The following TDRD5 variants were observed in gnomAD, a reference collection of about 807,000 sequenced individuals.
TDRD5 encodes the protein tudor domain-containing protein 5.
Under a neutral mutation model 120.6 loss-of-function variants are expected in TDRD5, and 41 were observed. That is an observed-to-expected ratio of 0.34 (90% confidence interval 0.26 to 0.44). TDRD5 has a LOEUF of 0.44. Ranked by LOEUF, TDRD5 falls within the 20% of genes least tolerant of loss-of-function variation. TDRD5 has a pLI of 1.00. For missense variants in TDRD5, 1,006 were observed against 1,221.2 expected (o/e 0.82, Z 2.63); for synonymous variants, 430 against 433.7 (o/e 0.99, Z 0.11).
chr1:179,652,299 A>C, intron 13 of TDRD5, 102 bp downstream of exon 13: 1 of 1,219,474 alleles, frequency 8.2e-7, no homozygotes. Flanking sequence ...GAAAGTTTGG[A>C]AATTTTGCAC....
intron 3 of TDRD5, among the ~76,000 whole-genome samples, chr1:179,594,828 G>C (rs1228700859): frequency 6.6e-6 from 1 of 152,230 alleles, no homozygotes; most frequent in Non-Finnish European, 1.5e-5. Context: ...AGTGTTTCAA[G>C]TCTAGCCCTC....
At chr1:179,636,459 C>T (rs1241027887) in intron 9 of TDRD5, among the ~76,000 whole-genome samples, 1 of 152,098 alleles carries the variant, frequency 6.6e-6, no homozygotes, top group African/African-American at 2.4e-5. Context: ...TAATTGCTGG[C>T]CCTGGTGCAA....
chr1:179,599,361 G>GT (rs954580498), intron 4 of TDRD5, among the ~76,000 whole-genome samples: 9 of 151,910 alleles, frequency 5.9e-5, no homozygotes, highest in African/African-American at 1.9e-4. Flanking sequence ...GAGTTGGGAA[G>GT]TTTTTTTCCA....
At chr1:179,630,674 T>A in intron 6 of TDRD5, 93 bp from the exon 7 acceptor site, 2 of 1,348,932 alleles carry the variant, frequency 1.5e-6, no homozygotes, top group Non-Finnish European at 2.0e-6. Flanking sequence ...CATTGACCCT[T>A]TAAGATTTAG....
rs75526545 is a variant in TDRD5 at position 179,669,086 on chromosome 1, A to G, written c.2650-108A>G. The stretch of plus-strand genomic sequence containing the variant: ...TGAAAGTGAGTAGTTTTATTTATTT[A>G]TTATAATATGGAAATATTTGTATTT... On this transcript the variant is annotated intron_variant, in intron 16 of 17. Transcript: ENST00000444136. 1,302 of 1,052,490 alleles carry G rather than the reference A, an allele frequency of 1.2e-3. 11 individuals are homozygous for G. In the African/African-American group the frequency reaches 0.016, roughly 13 times the overall value. The allele number at this position is 1,052,490 out of a possible 1,614,324, so 65.2% of individuals were successfully genotyped here.
chr1:179,613,873 T>C (rs1676417048), intron 4 of TDRD5, among the ~76,000 whole-genome samples: 1 of 152,222 alleles, frequency 6.6e-6, no homozygotes, highest in Non-Finnish European at 1.5e-5. Flanking sequence ...TTTAAGCAGC[T>C]GAAAGCATTG....
intron 4 of TDRD5, among the ~76,000 whole-genome samples, chr1:179,616,802 T>C (rs1037979654): frequency 3.9e-5 from 6 of 152,182 alleles, no homozygotes; most frequent in Non-Finnish European, 8.8e-5. Context: ...CTTCTGGCAC[T>C]TACAGCCTTA....
intron 3 of TDRD5, 46 bp downstream of exon 3, chr1:179,593,913 G>T (rs764200897): frequency 1.3e-6 from 2 of 1,575,190 alleles, no homozygotes; most frequent in South Asian, 1.2e-5. Flanking sequence ...ACATAGAGGG[G>T]TGTGTAATCA....
chr1:179,661,388 GTTTTTTTCCCCCCAATCTTT>G (rs906332035), intron 14 of TDRD5, among the ~76,000 whole-genome samples: 10 of 144,686 alleles, frequency 6.9e-5, no homozygotes, highest in African/African-American at 2.3e-4. Flanking sequence ...TGTTTTTTTT[GTTTTTTTCCCCCCAATCTTT>G]TTTTCTCTTT....
At chr1:179,688,773 T>G (rs1018848938) in intron 17 of TDRD5, among the ~76,000 whole-genome samples, 2 of 152,224 alleles carry the variant, frequency 1.3e-5, no homozygotes, top group Non-Finnish European at 2.9e-5. Flanking sequence ...TAAACTTCTC[T>G]TCTTGCTTCA....
intron 16 of TDRD5, among the ~76,000 whole-genome samples, chr1:179,667,155 T>C (rs1438203732): frequency 6.6e-6 from 1 of 152,184 alleles, no homozygotes; most frequent in East Asian, 1.9e-4. Flanking sequence ...TGAACACCAC[T>C]TTTGAGTAGT....
intron 16 of TDRD5, among the ~76,000 whole-genome samples, chr1:179,666,680 C>T (rs1358589661): frequency 1.3e-5 from 2 of 152,150 alleles, no homozygotes; most frequent in Non-Finnish European, 2.9e-5. Flanking sequence ...ACTAGATAAG[C>T]ATATGGCAAC....
At chr1:179,621,282 G>T (rs1676830427) in intron 6 of TDRD5, among the ~76,000 whole-genome samples, 191 bp downstream of exon 6, 1 of 151,978 alleles carries the variant, frequency 6.6e-6, no homozygotes, top group Non-Finnish European at 1.5e-5. Flanking sequence ...GCATAGGAAG[G>T]ATATTTTTAC....
chr1:179,667,253 C>T (rs1259966280), intron 16 of TDRD5, among the ~76,000 whole-genome samples: 1 of 152,206 alleles, frequency 6.6e-6, no homozygotes, highest in Non-Finnish European at 1.5e-5. Context: ...AGATGTGATA[C>T]AAATTTAAAG....
chr1:179,682,295 G>A (rs1680465411), intron 17 of TDRD5, among the ~76,000 whole-genome samples: 1 of 151,922 alleles, frequency 6.6e-6, no homozygotes. Flanking sequence ...AGCAGAATGT[G>A]CAGGTTTGTT....
At chr1:179,634,005 A>G (rs186094344) in intron 7 of TDRD5, among the ~76,000 whole-genome samples, 8 of 152,006 alleles carry the variant, frequency 5.3e-5, no homozygotes, top group Admixed American at 4.6e-4. Context: ...CCCTGTCTCT[A>G]CTAAAAATAC....
intron 4 of TDRD5, among the ~76,000 whole-genome samples, chr1:179,614,847 G>A (rs951527064): frequency 6.6e-6 from 1 of 152,070 alleles, no homozygotes; most frequent in African/African-American, 2.4e-5. Flanking sequence ...GCTAAATCAA[G>A]CTGTTTGACA....
At chr1:179,657,170 CTA>C in intron 14 of TDRD5, among the ~76,000 whole-genome samples, 1 of 152,232 alleles carries the variant, frequency 6.6e-6, no homozygotes, top group East Asian at 1.9e-4. Flanking sequence ...ATCAGCTTAT[CTA>C]TACCTGAGAT....
chr1:179,686,505 T>C lies in TDRD5; in HGVS notation c.2861-4191T>C, dbSNP rs925796575. On this transcript the variant is annotated intron_variant, in intron 17 of 17. Coordinates refer to ENST00000444136, the MANE Select transcript of TDRD5 (RefSeq NM_001199085.3). ...CAGGGATATTGGTCTAAAATTCTCT[T>C]TTTTTGTTGTGTCTCTGCCAGGCTT... 1.6e-4 allele frequency among the ~76,000 whole-genome samples: 25 copies of C among 152,214 alleles called. 1 individual carries two copies. Among genetic ancestry groups the C allele is most frequent in the Admixed American group, 1.2e-3 (19 of 15,282 alleles).
Sources: gnomAD v4.1 joint callset for allele counts (sites outside exome capture counted in the v4.1 genomes callset) on GRCh38, gnomAD v4.1.1 for gene constraint, MANE v1.5 for transcripts, NCBI Gene and HGNC (gene_info 2026-07-23, HGNC 2026-07-21) for gene names.